HDAC4: variants seen among roughly 807,000 people sequenced by gnomAD.
HDAC4 encodes histone deacetylase A.
A neutral mutation model predicts 135.1 loss-of-function variants in HDAC4; 16 were observed. The observed-to-expected ratio is 0.12, with a 90% CI of 0.08 to 0.18. The LOEUF (loss-of-function observed/expected upper bound fraction) is 0.18. Among genes scored for constraint, HDAC4 ranks in the 10% least tolerant of loss-of-function variants. The probability of loss-of-function intolerance (pLI) is 1.00; values close to 1 mark genes in which losing one functional copy is unlikely to be tolerated. For missense variants in HDAC4, 1,143 were observed against 1,511.8 expected, an observed-to-expected ratio of 0.76 and a Z score of 4.05; for synonymous variants, 685 against 653.4, an observed-to-expected ratio of 1.05 and a Z score of -0.74.
chr2:239,305,891 A>G (rs2052553995), intron 2 of HDAC4, among the ~76,000 whole-genome samples: 2 of 152,196 alleles, frequency 1.3e-5, no homozygotes, highest in Admixed American at 1.3e-4. Flanking sequence ...CGCTGCCCAC[A>G]CGGGCCCTGA....
At chr2:239,357,196 A>T (rs903808606) in intron 1 of HDAC4, among the ~76,000 whole-genome samples, 17 of 152,264 alleles carry the variant, frequency 1.1e-4, no homozygotes, top group Admixed American at 1.0e-3. Context: ...TCACTGACAA[A>T]ACTGAAATTA....
intron 7 of HDAC4, 81 bp from the exon 8 acceptor site, chr2:239,144,795 C>T (rs1190538977): frequency 1.7e-5 from 24 of 1,430,746 alleles, no homozygotes; most frequent in East Asian, 4.6e-5. Flanking sequence ...TTTAAAAATA[C>T]GCACTCTGGT....
In HDAC4 at chr2:239,139,848, C is replaced by T. The variant is rs775115953; in HGVS notation, c.866-52G>A. Reference sequence around the variant, plus strand: ...GTGTTACTCCATGCGGAGGGAGGGCCGTGCTGACCTGTGGCCCGAATGCCC... The same window carrying T: ...GTGTTACTCCATGCGGAGGGAGGGCTGTGCTGACCTGTGGCCCGAATGCCC... On this transcript the variant is annotated intron_variant, in intron 8 of 26. Transcript: ENST00000543185. This position sits in a 1 kb window ranked among gnomAD's most constrained non-coding sequence, Gnocchi z 5.3. 22 of 1,515,222 alleles carry T rather than the reference C, an allele frequency of 1.5e-5. No homozygotes were observed. The highest frequency in any genetic ancestry group is 2.7e-5 in the African/African-American group (2 of 73,034). 93.9% of individuals were successfully genotyped at this position (1,515,222 alleles called of 1,614,324 possible).
chr2:239,130,742 T>C (rs1477887248), intron 11 of HDAC4, among the ~76,000 whole-genome samples: 1 of 152,038 alleles, frequency 6.6e-6, no homozygotes, highest in Non-Finnish European at 1.5e-5. Flanking sequence ...ACAGCCCTGG[T>C]CTCCAGCCTT....
chr2:239,307,825 C>T lies in HDAC4; in HGVS notation c.22+44853G>A, dbSNP rs7574008. ...CAGAGGGTTTCCCAGCCTGAAACGC[C>T]ACCCCACAGCCACTGTGGATTTGGG... On this transcript the variant is annotated intron_variant, in intron 2 of 26. Coordinates refer to ENST00000543185, the MANE Select transcript of HDAC4 (RefSeq NM_001378414.1). This position sits in a 1 kb window ranked among gnomAD's most constrained non-coding sequence, Gnocchi z 4.8. Among the ~76,000 whole-genome samples, 5,042 of 152,220 alleles carry T rather than the reference C, an allele frequency of 0.033. 280 individuals are homozygous for T. Among genetic ancestry groups the T allele is most frequent in the African/African-American group, 0.11 (4,741 of 41,524 alleles).
intron 1 of HDAC4, among the ~76,000 whole-genome samples, chr2:239,398,872 G>T (rs541940353): frequency 1.2e-4 from 19 of 152,252 alleles, no homozygotes; most frequent in Non-Finnish European, 2.4e-4. Flanking sequence ...TCCCCTTGCA[G>T]GAGAAAGAAC....
intron 2 of HDAC4, among the ~76,000 whole-genome samples, chr2:239,323,726 G>A (rs2053386348): frequency 6.6e-6 from 1 of 152,108 alleles, no homozygotes; most frequent in Non-Finnish European, 1.5e-5. Flanking sequence ...ATTTAAGGAG[G>A]AAGATGCCGG....
intron 4 of HDAC4, among the ~76,000 whole-genome samples, chr2:239,185,603 C>T (rs936048116): frequency 1.3e-5 from 2 of 152,080 alleles, no homozygotes; most frequent in African/African-American, 4.8e-5. Context: ...GGGTCTCCCA[C>T]ATGCCCCTGC....
At chr2:239,106,766 G>A (rs1288684702) in intron 15 of HDAC4, among the ~76,000 whole-genome samples, 1 of 152,214 alleles carries the variant, frequency 6.6e-6, no homozygotes, top group Non-Finnish European at 1.5e-5. Flanking sequence ...TGCAGGGCGG[G>A]ACCCTGCAGA....
In HDAC4 at chr2:239,070,364, TAAGG is replaced by T. The variant is rs1335461281; in HGVS notation, c.2751-1761_2751-1758del. ...AATTCTTTAAATTATATTAGGGAAA[TAAGG>T]AAAGTATTCTATTTGGAAAGGGGAA... On this transcript the variant is annotated intron_variant, in intron 22 of 26. Transcript: ENST00000543185. Among the ~76,000 whole-genome samples, 3 of 152,288 alleles carry T rather than the reference TAAGG, an allele frequency of 2.0e-5. No homozygotes were observed. The East Asian group carries it at 5.8e-4, about 29-fold the overall frequency.
intron 2 of HDAC4, among the ~76,000 whole-genome samples, chr2:239,346,154 C>T (rs902086040): frequency 4.6e-5 from 7 of 151,146 alleles, no homozygotes; most frequent in Non-Finnish European, 8.9e-5. Flanking sequence ...CATGCACTCA[C>T]CCAACACACA....
chr2:239,275,905 G>T, intron 2 of HDAC4, among the ~76,000 whole-genome samples: 1 of 152,084 alleles, frequency 6.6e-6, no homozygotes, highest in East Asian at 1.9e-4. Context: ...CTCCTCTGTC[G>T]CCTGCCTCAT....
At chr2:239,116,287 G>A (rs1047014915) in intron 12 of HDAC4, among the ~76,000 whole-genome samples, 1 of 152,200 alleles carries the variant, frequency 6.6e-6, no homozygotes, top group African/African-American at 2.4e-5. Context: ...AGCCTAGAGT[G>A]CCCATGAGCC....
intron 1 of HDAC4, among the ~76,000 whole-genome samples, chr2:239,381,437 C>T (rs532270338): frequency 3.1e-4 from 47 of 152,012 alleles, no homozygotes; most frequent in African/African-American, 8.0e-4. Flanking sequence ...TGAAAAGAAA[C>T]GAAAAGGAGA....
Position 239,061,469 on chromosome 2 carries a change from G to A in HDAC4, c.3003+5253C>T, listed in dbSNP as rs2032723102. 2.0e-5 allele frequency among the ~76,000 whole-genome samples: 3 copies of A among 151,588 alleles called. No homozygotes were observed. In the South Asian group the frequency reaches 6.3e-4, roughly 32 times the overall value. On this transcript the variant is annotated intron_variant, in intron 24 of 26. Coordinates refer to ENST00000543185, the MANE Select transcript of HDAC4 (RefSeq NM_001378414.1). ...CTGTGTGGGTGTGCGTATGTGTGGT[G>A]TGTGCGTGCATGAGAGGGTGCACGT...
Position 239,349,648 on chromosome 2 carries a change from T to G in HDAC4, c.22+3030A>C, listed in dbSNP as rs1321454377. On this transcript the variant is annotated intron_variant, in intron 2 of 26. Coordinates refer to ENST00000543185, the MANE Select transcript of HDAC4 (RefSeq NM_001378414.1). The surrounding 1 kb of genome is among the most constrained non-coding windows in gnomAD (Gnocchi z 5.7). ...CGCCTGAGACGTGGGCAGAGGCCGC[T>G]GGGCCACCAGCCAGTGTGTGCAGGT... Among the ~76,000 whole-genome samples the G allele has an allele frequency of 6.6e-6, 1 of 152,206 alleles. No homozygotes were observed. Among genetic ancestry groups the G allele is most frequent in the Non-Finnish European group, 1.5e-5 (1 of 68,032 alleles).
chr2:239,120,984 G>A (rs2039635969), intron 12 of HDAC4, among the ~76,000 whole-genome samples: 1 of 146,602 alleles, frequency 6.8e-6, no homozygotes, highest in Admixed American at 7.2e-5. Context: ...TTCTTCTGAT[G>A]CTTTCCTTTA....
intron 3 of HDAC4, among the ~76,000 whole-genome samples, chr2:239,194,314 G>A (rs1216352869): frequency 2.6e-5 from 4 of 152,184 alleles, no homozygotes; most frequent in Admixed American, 2.6e-4. Flanking sequence ...CTGTTTTCTT[G>A]GAGATTTGTA....
chr2:239,212,155 T>C (rs567404450), intron 3 of HDAC4, among the ~76,000 whole-genome samples: 35 of 152,238 alleles, frequency 2.3e-4, no homozygotes, highest in Non-Finnish European at 3.2e-4. Context: ...AAGAAACAGA[T>C]AAAAGTGATG....
Sources: gnomAD v4.1 joint callset for allele counts (sites outside exome capture counted in the v4.1 genomes callset) on GRCh38, gnomAD v4.1.1 for gene constraint, Gnocchi (gnomAD v3.1) non-coding constraint, MANE v1.5 for transcripts, NCBI Gene and HGNC (gene_info 2026-07-23, HGNC 2026-07-21) for gene names.